Variants in HEYL observed in about 807,000 individuals in gnomAD.
HEYL encodes hes related family bHLH transcription factor with YRPW motif like.
Under a neutral mutation model 18.6 loss-of-function variants are expected in HEYL, and 12 were observed. The observed-to-expected ratio is 0.65, with a 90% CI of 0.41 to 1.05. HEYL has a LOEUF of 1.05. Among genes scored for constraint, HEYL ranks in the 50% least tolerant of loss-of-function variants. The probability of loss-of-function intolerance (pLI) is 0.00; values close to 1 mark genes in which losing one functional copy is unlikely to be tolerated. For missense variants in HEYL, 420 were observed against 444.7 expected, an observed-to-expected ratio of 0.94 and a Z score of 0.50; for synonymous variants, 159 against 179.6, an observed-to-expected ratio of 0.89 and a Z score of 0.91.
intron 1 of HEYL, among the ~76,000 whole-genome samples, chr1:39,639,177 C>G (rs556415159): frequency 6.6e-6 from 1 of 152,298 alleles, no homozygotes; most frequent in Admixed American, 6.5e-5. Flanking sequence ...AGATTCCAGA[C>G]AGGGGCCAGA....
chr1:39,637,673 AAC>A (rs945949758), intron 1 of HEYL, among the ~76,000 whole-genome samples: 2 of 152,198 alleles, frequency 1.3e-5, no homozygotes, highest in African/African-American at 2.4e-5. Context: ...CTCCTCTAAG[AAC>A]AGTGTCTAAA....
At chr1:39,637,218 G>A (rs373754797) in intron 1 of HEYL, among the ~76,000 whole-genome samples, 2 of 152,156 alleles carry the variant, frequency 1.3e-5, no homozygotes, top group African/African-American at 2.4e-5. Flanking sequence ...CTCATCCTGC[G>A]TCATGGGGCC....
chr1:39,629,942 T>C (rs1238475527), intron 4 of HEYL, among the ~76,000 whole-genome samples: 1 of 152,150 alleles, frequency 6.6e-6, no homozygotes, highest in African/African-American at 2.4e-5. Context: ...GGTCCTGGGT[T>C]GGACAAGAGT....
intron 3 of HEYL, among the ~76,000 whole-genome samples, chr1:39,631,213 C>G (rs1557737753): frequency 2.0e-5 from 3 of 152,230 alleles, no homozygotes; most frequent in Non-Finnish European, 4.4e-5. Context: ...TAAGTTACTT[C>G]ACCTCTCTGT....
In HEYL at chr1:39,626,629, A is replaced by G; in HGVS notation, c.865T>C (p.Ser289Pro). The G allele has an allele frequency of 6.5e-7, 1 of 1,541,232 alleles. No individual in the cohort carries two copies. Among genetic ancestry groups the G allele is most frequent in the Non-Finnish European group, 8.7e-7 (1 of 1,146,456 alleles). The change falls in exon 5 of 5, where the codon TCG becomes CCG. Residue 289 changes from serine (S) to proline (P), a missense_variant. Coordinates refer to ENST00000372852, the MANE Select transcript of HEYL (RefSeq NM_014571.4). ...SSPTPPGPTG[S>P]AAYVAVPTPN... is the part of the protein sequence containing the mutation. Reference sequence around the variant, plus strand: ...GTGGGAACAGCCACGTAAGCAGCCGACCCTGTAGGACCAGGGGGTGTTGGG... The same window carrying G: ...GTGGGAACAGCCACGTAAGCAGCCGGCCCTGTAGGACCAGGGGGTGTTGGG...
intron 1 of HEYL, among the ~76,000 whole-genome samples, chr1:39,638,666 A>C (rs899744765): frequency 1.8e-4 from 27 of 152,346 alleles, no homozygotes; most frequent in African/African-American, 5.3e-4. Context: ...GCTGGGACCC[A>C]GGTCTGCAGA....
intron 3 of HEYL, among the ~76,000 whole-genome samples, chr1:39,630,949 C>T (rs1646329782): frequency 6.6e-6 from 1 of 152,176 alleles, no homozygotes; most frequent in African/African-American, 2.4e-5. Context: ...GACTTGTTCT[C>T]ACCAGCATAA....
At chr1:39,635,584 C>T (rs1285351923) in intron 1 of HEYL, among the ~76,000 whole-genome samples, 1 of 152,160 alleles carries the variant, frequency 6.6e-6, no homozygotes, top group Admixed American at 6.5e-5. Flanking sequence ...GTTTTCTTGG[C>T]AACATTATAT....
intron 4 of HEYL, among the ~76,000 whole-genome samples, chr1:39,629,752 T>A (rs1646322026): frequency 6.6e-6 from 1 of 152,260 alleles, no homozygotes; most frequent in African/African-American, 2.4e-5. Context: ...AGTTAATTTG[T>A]GTCCTGCTAC....
At chr1:39,639,276 C>T (rs1035940695) in intron 1 of HEYL, among the ~76,000 whole-genome samples, 4 of 152,216 alleles carry the variant, frequency 2.6e-5, no homozygotes, top group Non-Finnish European at 4.4e-5. Context: ...TAGATGATAA[C>T]CCACTAGCCA....
Position 39,626,830 on chromosome 1 carries a change from G to T in HEYL, c.664C>A (p.Leu222Ile). Residue 222 changes from leucine (L) to isoleucine (I), a missense_variant, in exon 5 of 5, where the codon CTT becomes ATT. Leu to Ile is a conservative substitution (Grantham distance 5). Transcript: ENST00000372852. The stretch of plus-strand genomic sequence containing the variant: ...AGGATGATGCCTGTGGCTCTGCGAA[G>T]GGGAGCGGTTCGGAGGGCTGGGATG... Reference protein sequence around the residue: ...YPIPALRTAPLRRATGIILPA... With the variant: ...YPIPALRTAPIRRATGIILPA... 6.4e-7 allele frequency: 1 copy of T among 1,572,352 alleles called. No homozygotes were observed. Among genetic ancestry groups the T allele is most frequent in the East Asian group, 2.3e-5 (1 of 42,816 alleles).
At chr1:39,630,944 G>T (rs1489709402) in intron 3 of HEYL, among the ~76,000 whole-genome samples, 2 of 152,200 alleles carry the variant, frequency 1.3e-5, no homozygotes, top group African/African-American at 2.4e-5. Flanking sequence ...TGACTGACTT[G>T]TTCTCACCAG....
Position 39,626,283 on chromosome 1 carries a change from A to G in HEYL, c.*224T>C. ...ATCTGTTCAGGTGAGAAATGGAACC[A>G]AGCCTCTGAGACCAGAACAGCTCCA... On this transcript the variant is annotated 3_prime_UTR_variant, in exon 5 of 5. Coordinates refer to ENST00000372852, the MANE Select transcript of HEYL (RefSeq NM_014571.4). 2 of 530,982 alleles carry G rather than the reference A, an allele frequency of 3.8e-6. No homozygotes were observed. Among genetic ancestry groups the G allele is most frequent in the Non-Finnish European group, 6.5e-6 (2 of 305,524 alleles). 32.9% of individuals were successfully genotyped at this position (530,982 alleles called of 1,614,324 possible).
At chr1:39,632,320 G>C (rs1300929787) in intron 2 of HEYL, among the ~76,000 whole-genome samples, 2 of 152,246 alleles carry the variant, frequency 1.3e-5, no homozygotes, top group Non-Finnish European at 2.9e-5. Context: ...TGGACTCAGA[G>C]AGGAGACAGA....
intron 1 of HEYL, chr1:39,633,707 T>C (rs1370321417): frequency 6.6e-6 from 1 of 152,354 alleles, no homozygotes; most frequent in Non-Finnish European, 1.5e-5. Flanking sequence ...ACGCCACACA[T>C]CTGAACAGGA....
At position 39,626,442 on chromosome 1, in the gene HEYL, C is replaced by T; in HGVS notation, c.*65G>A. ...TGAAGCAAAGCAGAAAAGGCAGTGC[C>T]CTTTTTTGGGCTCCTGGTAAAAGAA... is the stretch of plus-strand genomic sequence containing the variant. On this transcript the variant is annotated 3_prime_UTR_variant, in exon 5 of 5. Transcript: ENST00000372852. 1 of 1,388,724 alleles carries T rather than the reference C, an allele frequency of 7.2e-7. No individual in the cohort carries two copies. The highest frequency in any genetic ancestry group is 9.6e-7 in the Non-Finnish European group (1 of 1,046,118). 86.0% of individuals were successfully genotyped at this position (1,388,724 alleles called of 1,614,324 possible).
intron 1 of HEYL, among the ~76,000 whole-genome samples, chr1:39,639,268 G>A (rs575977383): frequency 6.6e-6 from 1 of 152,320 alleles, no homozygotes; most frequent in Non-Finnish European, 1.5e-5. Context: ...TCAACAGATA[G>A]ATGATAACCC....
intron 1 of HEYL, chr1:39,633,022 C>CG (rs1646343580): frequency 2.1e-6 from 2 of 970,804 alleles, no homozygotes; most frequent in Non-Finnish European, 2.4e-6. Context: ...ACCCGATCCC[C>CG]GGGGGCGGGG....
At chr1:39,632,875 A>G (rs1359147405) in intron 1 of HEYL, 160 bp from the exon 2 acceptor site, 3 of 985,278 alleles carry the variant, frequency 3.0e-6, no homozygotes, top group Non-Finnish European at 3.6e-6. Context: ...AAGTCCTCTC[A>G]TGCACTCTGG....
Sources: gnomAD v4.1 joint callset for allele counts (sites outside exome capture counted in the v4.1 genomes callset) on GRCh38, gnomAD v4.1.1 for gene constraint, MANE v1.5 for transcripts, NCBI Gene and HGNC (gene_info 2026-07-23, HGNC 2026-07-21) for gene names.